CHST11: variants seen among roughly 807,000 people sequenced by gnomAD.
CHST11 encodes C4S-1.
A neutral mutation model predicts 30.4 loss-of-function variants in CHST11; 9 were observed. The observed-to-expected ratio is 0.30, with a 90% confidence interval of 0.18 to 0.52. The LOEUF (loss-of-function observed/expected upper bound fraction) is 0.52, where lower values mean the gene tolerates loss of function less well. CHST11 is among the 20% of genes least tolerant of loss of function. The pLI is 0.97. For synonymous variants in CHST11, 152 were observed against 187.8 expected, an observed-to-expected ratio of 0.81 and a Z score of 1.56; for missense variants, 348 against 460.6, an observed-to-expected ratio of 0.76 and a Z score of 2.24.
chr12:104,587,890 A>G (rs1592779764), intron 1 of CHST11, among the ~76,000 whole-genome samples: 1 of 102,802 alleles, frequency 9.7e-6, no homozygotes, highest in African/African-American at 4.2e-5. Context: ...CCCGGGCTGG[A>G]GGAGATTAGG....
chr12:104,681,397 G>C (rs1468114939), intron 2 of CHST11, among the ~76,000 whole-genome samples: 1 of 152,168 alleles, frequency 6.6e-6, no homozygotes, highest in African/African-American at 2.4e-5. Context: ...TAAATCTATA[G>C]AGACAGAAAC....
At chr12:104,616,043 T>C (rs1290451275) in intron 2 of CHST11, among the ~76,000 whole-genome samples, 3 of 152,202 alleles carry the variant, frequency 2.0e-5, no homozygotes, top group African/African-American at 7.2e-5. Flanking sequence ...AAGTGAAGGC[T>C]GTTTGCTATT....
intron 2 of CHST11, among the ~76,000 whole-genome samples, chr12:104,696,097 G>A (rs1239190284): frequency 1.3e-5 from 2 of 152,094 alleles, no homozygotes; most frequent in Admixed American, 1.3e-4. Flanking sequence ...TCCTAGGTAT[G>A]TTAACTCGCC....
intron 1 of CHST11, among the ~76,000 whole-genome samples, chr12:104,565,500 C>G (rs995189045): frequency 6.6e-6 from 1 of 151,992 alleles, no homozygotes; most frequent in African/African-American, 2.4e-5. Flanking sequence ...CTCCTGACCT[C>G]AAGTGATCCA....
intron 2 of CHST11, among the ~76,000 whole-genome samples, chr12:104,707,210 A>G (rs1190149244): frequency 1.3e-5 from 2 of 152,238 alleles, no homozygotes; most frequent in African/African-American, 2.4e-5. Context: ...TTTTCCAAGA[A>G]TCTAGAAAAG....
intron 1 of CHST11, among the ~76,000 whole-genome samples, chr12:104,519,136 CAG>C (rs1215978953): frequency 1.3e-5 from 2 of 148,730 alleles, no homozygotes; most frequent in South Asian, 2.1e-4. Flanking sequence ...CAACCCTAAA[CAG>C]GGGTATGGCA....
rs556616835 is a variant in CHST11, at chr12:104,483,530, C to T, written c.118+26001C>T. On this transcript the variant is annotated intron_variant, in intron 1 of 2. Transcript: ENST00000303694. The stretch of plus-strand genomic sequence containing the variant: ...CTCCCCATGCACTTTGACTTTTTTT[C>T]ATTGCACTCCATTTGTCCATGCAGC... Among the ~76,000 whole-genome samples, 38 of 152,228 alleles carry T rather than the reference C, an allele frequency of 2.5e-4. No homozygotes were observed. The South Asian group carries it at 3.9e-3, about 16-fold the overall frequency.
intron 1 of CHST11, among the ~76,000 whole-genome samples, chr12:104,526,888 G>A (rs1055106430): frequency 1.3e-5 from 2 of 152,186 alleles, no homozygotes; most frequent in African/African-American, 4.8e-5. Context: ...GAGCAAGATG[G>A]CCCATACCTT....
intron 2 of CHST11, among the ~76,000 whole-genome samples, chr12:104,671,329 C>T (rs1032896933): frequency 4.3e-4 from 66 of 152,152 alleles, no homozygotes; most frequent in African/African-American, 1.4e-3. Flanking sequence ...CTTGGCTCTG[C>T]AAGTTATTTG....
chr12:104,656,598 C>T (rs1400090547), intron 2 of CHST11, among the ~76,000 whole-genome samples: 2 of 152,166 alleles, frequency 1.3e-5, no homozygotes, highest in South Asian at 2.1e-4. Flanking sequence ...GAATTTGCAC[C>T]GCAGGACATT....
At chr12:104,462,620 G>A (rs917104813) in intron 1 of CHST11, among the ~76,000 whole-genome samples, 1 of 152,090 alleles carries the variant, frequency 6.6e-6, no homozygotes, top group South Asian at 2.1e-4. Flanking sequence ...CCAATTTGTA[G>A]GGGCTGTTCT....
At chr12:104,578,754 C>T (rs2038709916) in intron 1 of CHST11, among the ~76,000 whole-genome samples, 1 of 152,146 alleles carries the variant, frequency 6.6e-6, no homozygotes, top group Non-Finnish European at 1.5e-5. Context: ...CAAAAGCCAA[C>T]AGTGTTAATT....
chr12:104,552,819 A>G (rs1292028853), intron 1 of CHST11: 1 of 152,190 alleles, frequency 6.6e-6, no homozygotes, highest in East Asian at 1.9e-4. Context: ...AAGCCCTTGC[A>G]CTTGTCTGTC....
At chr12:104,756,200 G>A (rs534141706) in intron 2 of CHST11, among the ~76,000 whole-genome samples, 7 of 152,310 alleles carry the variant, frequency 4.6e-5, no homozygotes, top group East Asian at 1.9e-4. Flanking sequence ...GCAGGAATCC[G>A]ACAGTAGGGT....
At chr12:104,576,181 C>T (rs1471547428) in intron 1 of CHST11, among the ~76,000 whole-genome samples, 1 of 152,072 alleles carries the variant, frequency 6.6e-6, no homozygotes, top group Non-Finnish European at 1.5e-5. Context: ...TTGCCTTAGC[C>T]TACTGTGTCC....
chr12:104,587,252 C>T (rs1284604359), intron 1 of CHST11, among the ~76,000 whole-genome samples: 4 of 152,194 alleles, frequency 2.6e-5, no homozygotes, highest in Non-Finnish European at 5.9e-5. Flanking sequence ...TCAACAGATA[C>T]ATTTAGGGTG....
At chr12:104,488,738 CGCGTGT>C (rs1249954982) in intron 1 of CHST11, among the ~76,000 whole-genome samples, 1 of 67,966 alleles carries the variant, frequency 1.5e-5, no homozygotes, top group African/African-American at 7.3e-5. Context: ...TGTATGTGTA[CGCGTGT>C]GTGTGTGTGT....
At chr12:104,688,130 G>T (rs997500671) in intron 2 of CHST11, among the ~76,000 whole-genome samples, 1 of 152,208 alleles carries the variant, frequency 6.6e-6, no homozygotes, top group African/African-American at 2.4e-5. Flanking sequence ...AAGAACGCCA[G>T]GCTGTTGCAG....
chr12:104,701,458 G>A (rs577237684), intron 2 of CHST11, among the ~76,000 whole-genome samples: 8 of 152,092 alleles, frequency 5.3e-5, no homozygotes, highest in African/African-American at 1.2e-4. Context: ...TGAACCCGGC[G>A]GGCACACTGC....
Sources: allele counts gnomAD v4.1 joint callset (sites outside exome capture counted in the v4.1 genomes callset), GRCh38; gene constraint gnomAD v4.1.1; transcripts MANE v1.5; gene names NCBI Gene and HGNC (gene_info 2026-07-23, HGNC 2026-07-21).